Variants in RSF1 observed in about 807,000 individuals in gnomAD.
The protein encoded by RSF1 is HBV pX-associated protein 8.
In RSF1, 13 loss-of-function variants were observed where a neutral mutation model predicts 145.2. The ratio of observed to expected loss-of-function variants is 0.09; its 90% confidence interval spans 0.06 to 0.14. RSF1 has a LOEUF of 0.14. Among genes scored for constraint, RSF1 ranks in the 10% least tolerant of loss-of-function variants. The pLI, the probability that RSF1 is intolerant of heterozygous loss-of-function variation, is 1.00. For synonymous variants in RSF1, 577 were observed against 592.6 expected (o/e 0.97, Z 0.38); for missense variants, 1,517 against 1,718.2 (o/e 0.88, Z 2.07).
chr11:77,797,823 AC>A (rs1163806943), intron 1 of RSF1, among the ~76,000 whole-genome samples: 3 of 145,258 alleles, frequency 2.1e-5, no homozygotes, highest in Admixed American at 2.0e-4. Flanking sequence ...CAAGAAAAAA[AC>A]AACCCCATCA....
chr11:77,766,205 T>G (rs1948224031), intron 1 of RSF1, among the ~76,000 whole-genome samples: 3 of 152,330 alleles, frequency 2.0e-5, no homozygotes, highest in Admixed American at 2.0e-4. Flanking sequence ...CGCCCTTATG[T>G]GCATTGTGAA....
At chr11:77,847,061 G>A in the RSF1 span, among the ~76,000 whole-genome samples, 2 of 152,104 alleles carry the variant, frequency 1.3e-5, no homozygotes, top group African/African-American at 4.8e-5. Context: ...AAATTATCAG[G>A]GAAGACATTT....
chr11:77,832,661 T>C, the RSF1 span, among the ~76,000 whole-genome samples: 1 of 151,866 alleles, frequency 6.6e-6, no homozygotes, highest in Non-Finnish European at 1.5e-5. Context: ...TCAAATGTAT[T>C]TCCAGTATTT....
At chr11:77,862,544 C>G in the RSF1 span, among the ~76,000 whole-genome samples, 1 of 152,106 alleles carries the variant, frequency 6.6e-6, no homozygotes, top group Non-Finnish European at 1.5e-5. Flanking sequence ...TCATTGTTTA[C>G]CCCTTTGTCT....
At chr11:77,841,061 G>A in the RSF1 span, 1 of 624,058 alleles carries the variant, frequency 1.6e-6, no homozygotes, top group Non-Finnish European at 2.9e-6. Flanking sequence ...CTCGCATCTG[G>A]TGAGAGCCTT....
chr11:77,668,755 G>A (rs1291266416), intron 15 of RSF1, among the ~76,000 whole-genome samples: 2 of 152,234 alleles, frequency 1.3e-5, no homozygotes, highest in East Asian at 1.9e-4. Context: ...GGTTATATGC[G>A]AATATGACAC....
At chr11:77,721,553 G>A (rs148453413) in intron 5 of RSF1, among the ~76,000 whole-genome samples, 20 of 152,202 alleles carry the variant, frequency 1.3e-4, no homozygotes, top group East Asian at 3.9e-4. Context: ...GAAAATTACC[G>A]AAATCACTCT....
upstream of RSF1, among the ~76,000 whole-genome samples, chr11:77,823,452 G>C (rs578189747): frequency 1.3e-5 from 2 of 151,242 alleles, no homozygotes; most frequent in African/African-American, 4.9e-5. Context: ...TAATCTGGGC[G>C]AGGTGGGGTG....
chr11:77,788,753 T>G (rs530638440), intron 1 of RSF1, among the ~76,000 whole-genome samples: 41 of 152,222 alleles, frequency 2.7e-4, no homozygotes, highest in African/African-American at 9.6e-4. Context: ...AAGTCTTAAA[T>G]CTATGACCAA....
chr11:77,693,397 C>T, intron 8 of RSF1, 110 bp downstream of exon 8: 2 of 660,242 alleles, frequency 3.0e-6, no homozygotes, highest in South Asian at 1.9e-5. Context: ...GAGGTAAATA[C>T]TATTTACACA....
At chr11:77,820,483 A>G in intron 1 of RSF1, 45 bp downstream of exon 1, 3 of 1,533,596 alleles carry the variant, frequency 2.0e-6, no homozygotes, top group East Asian at 2.4e-5. Context: ...AGAGTAGCAG[A>G]GCGCCAGGGC....
At chr11:77,793,210 T>C (rs1948537754) in intron 1 of RSF1, among the ~76,000 whole-genome samples, 1 of 152,222 alleles carries the variant, frequency 6.6e-6, no homozygotes, top group Admixed American at 6.5e-5. Flanking sequence ...CCAGGTGCAG[T>C]GGCTCACGCC....
rs71046904 is a variant in RSF1 at position 77,692,233 on chromosome 11, A to ATTTTTTTTTTTTTT, written c.2821-1009_2821-996dup. Among the ~76,000 whole-genome samples, 121 of 49,470 alleles carry ATTTTTTTTTTTTTT rather than the reference A, an allele frequency of 2.4e-3. 26 individuals carry two copies. The highest frequency in any genetic ancestry group is 5.1e-3 in the East Asian group (8 of 1,568). The allele number at this position is 49,470 out of a possible 152,430, so 32.5% of individuals were successfully genotyped here. ...AAAAAATAATTATTACTACTTTTAAATTTTTTTTTTTTTTTTTTTTTTTTT... is the reference window on the plus strand; with the variant it reads ...AAAAAATAATTATTACTACTTTTAAATTTTTTTTTTTTTTTTTTTTTTTTTTTTTTTTTTTTTTT... On this transcript the variant is annotated intron_variant, in intron 8 of 15. Coordinates refer to ENST00000308488, the MANE Select transcript of RSF1 (RefSeq NM_016578.4).
chr11:77,844,272 T>C, the RSF1 span, among the ~76,000 whole-genome samples: 1 of 152,150 alleles, frequency 6.6e-6, no homozygotes, highest in Non-Finnish European at 1.5e-5. Context: ...CTAAATAACA[T>C]CACATTGGGA....
chr11:77,775,967 T>C (rs910077566), intron 1 of RSF1, among the ~76,000 whole-genome samples: 15 of 152,166 alleles, frequency 9.9e-5, no homozygotes, highest in African/African-American at 2.9e-4. Flanking sequence ...AGAGTCCAGG[T>C]TTCCTTACTA....
At chr11:77,777,093 AC>A (rs1948350037) in intron 1 of RSF1, among the ~76,000 whole-genome samples, 2 of 152,208 alleles carry the variant, frequency 1.3e-5, no homozygotes, top group African/African-American at 4.8e-5. Context: ...AAATAAATGA[AC>A]AAGACTTTTT....
At chr11:77,859,846 T>A in the RSF1 span, among the ~76,000 whole-genome samples, 1 of 152,240 alleles carries the variant, frequency 6.6e-6, no homozygotes, top group Admixed American at 6.5e-5. Context: ...GTCGCAGCAC[T>A]GGCCCTTCAA....
At chr11:77,860,117 T>A in the RSF1 span, among the ~76,000 whole-genome samples, 1 of 152,258 alleles carries the variant, frequency 6.6e-6, no homozygotes, top group African/African-American at 2.4e-5. Context: ...CTCCTAGAGC[T>A]ATCCCTGTTT....
chr11:77,780,123 C>T (rs982983815), intron 1 of RSF1, among the ~76,000 whole-genome samples: 2 of 152,194 alleles, frequency 1.3e-5, no homozygotes, highest in Non-Finnish European at 2.9e-5. Flanking sequence ...CCACATTAAA[C>T]AGGCCTATAT....
Sources: allele counts gnomAD v4.1 joint callset (sites outside exome capture counted in the v4.1 genomes callset), GRCh38; gene constraint gnomAD v4.1.1; transcripts MANE v1.5; gene names NCBI Gene and HGNC (gene_info 2026-07-23, HGNC 2026-07-21).